Variants in PRDM10 observed in about 807,000 individuals in gnomAD.
PRDM10 encodes the protein PR/SET domain 10, also known as PR domain zinc finger protein 10.
In PRDM10, 65 loss-of-function variants were observed where a neutral mutation model predicts 133.1. The observed-to-expected ratio is 0.49, with a 90% CI of 0.40 to 0.60. PRDM10 has a LOEUF of 0.60. PRDM10 is among the 20% of genes least tolerant of loss of function. The probability of loss-of-function intolerance (pLI) is 0.00; values close to 1 mark genes in which losing one functional copy is unlikely to be tolerated. For synonymous variants in PRDM10, 582 were observed against 580.4 expected, an observed-to-expected ratio of 1.00 and a Z score of -0.04; for missense variants, 1,137 against 1,507.1, an observed-to-expected ratio of 0.75 and a Z score of 4.07.
intron 13 of PRDM10, among the ~76,000 whole-genome samples, chr11:129,922,600 C>T (rs1950549848): frequency 6.6e-6 from 1 of 152,166 alleles, no homozygotes; most frequent in Non-Finnish European, 1.5e-5. Context: ...GACCTACAAT[C>T]ATTTTCAGCA....
intron 19 of PRDM10, among the ~76,000 whole-genome samples, chr11:129,906,590 G>A (rs567757028): frequency 5.5e-4 from 84 of 152,308 alleles, no homozygotes; most frequent in Admixed American, 1.4e-3. Flanking sequence ...TGTTTATCCT[G>A]CCTTTCTTGT....
rs375755530 is a variant in PRDM10, at chr11:129,917,358, A to C, written c.2215-121T>G. The C allele has an allele frequency of 2.1e-5, 15 of 714,472 alleles. No homozygotes were observed. The Admixed American group carries it at 3.2e-4, about 15-fold the overall frequency. The allele number at this position is 714,472 out of a possible 1,614,324, so 44.3% of individuals were successfully genotyped here. Reference sequence around the variant, plus strand: ...ATTCTCTGAAGCAATGCCCCCAAATAATAAGGCATTTGGCCAGAACCAGGA... The same window carrying C: ...ATTCTCTGAAGCAATGCCCCCAAATCATAAGGCATTTGGCCAGAACCAGGA... On this transcript the variant is annotated intron_variant, in intron 14 of 20. Transcript: ENST00000360871.
intron 2 of PRDM10, 38 bp from the exon 3 acceptor site, chr11:129,957,948 A>G: frequency 1.3e-6 from 2 of 1,570,076 alleles, no homozygotes; most frequent in Non-Finnish European, 1.7e-6. Flanking sequence ...AATCAGTATC[A>G]GGAAGGTAAG....
At chr11:129,903,593 TG>T (rs1949914749) in intron 20 of PRDM10, among the ~76,000 whole-genome samples, 1 of 152,184 alleles carries the variant, frequency 6.6e-6, no homozygotes, top group African/African-American at 2.4e-5. Context: ...TAAAGAAATG[TG>T]TCTGTCGGTC....
chr11:129,996,854 A>G (rs928132609), intron 1 of PRDM10, among the ~76,000 whole-genome samples: 4 of 152,244 alleles, frequency 2.6e-5, no homozygotes, highest in African/African-American at 9.6e-5. Context: ...TGAGTGATTA[A>G]CAGGCATCCT....
At chr11:129,921,203 G>A (rs1423962560) in intron 13 of PRDM10, among the ~76,000 whole-genome samples, 1 of 152,174 alleles carries the variant, frequency 6.6e-6, no homozygotes, top group Non-Finnish European at 1.5e-5. Flanking sequence ...ACAGGCAAAT[G>A]CAATACACAA....
At chr11:129,956,972 T>C (rs1951707446) in intron 3 of PRDM10, among the ~76,000 whole-genome samples, 1 of 152,238 alleles carries the variant, frequency 6.6e-6, no homozygotes, top group East Asian at 1.9e-4. Context: ...TTGGAAGCTA[T>C]ACTGCAAGTC....
intron 1 of PRDM10, among the ~76,000 whole-genome samples, chr11:129,964,233 C>T (rs1281754521): frequency 2.0e-5 from 3 of 152,180 alleles, no homozygotes; most frequent in African/African-American, 2.4e-5. Flanking sequence ...AGCCCATGCC[C>T]TCACAAAACA....
In PRDM10 at chr11:129,902,462, C is replaced by T. The variant is rs1316384490; in HGVS notation, c.3322G>A (p.Ala1108Thr). The change falls in exon 21 of 21, where the codon GCC becomes ACC. Residue 1108 changes from alanine to threonine, a missense_variant. Ala to Thr is a moderately conservative substitution (Grantham distance 58). Around this residue, in one of 6 missense-constraint regions of PRDM10, gnomAD observed 243 missense variants for 259.2 expected, o/e 0.94. Coordinates refer to ENST00000360871, the MANE Select transcript of PRDM10 (RefSeq NM_199437.2). ...TCGACCTGGACTCCACCAGAGAGGG[C>T]AGAAGTTTGCTTTTCTTCCAATTCT... ...QSELEEKQTS[A>T]LSGGVQVEPP... 6.2e-7 allele frequency: 1 copy of T among 1,614,090 alleles called. No individual in the cohort carries two copies.
rs1591658825 is a variant in PRDM10 at position 129,955,518 on chromosome 11, A to G, written c.288T>C (p.Ala96=). The G allele has an allele frequency of 8.7e-6, 14 of 1,614,134 alleles. No homozygotes were observed. The East Asian group carries it at 3.1e-4, about 36-fold the overall frequency. The change falls in exon 4 of 21, where the codon GCT becomes GCC. Residue 96 remains alanine, a synonymous_variant. Transcript: ENST00000360871. ...QVAYVQQDAT[A]QQASLPVHNQ... is the part of the protein sequence containing the mutation. ...GAAAAAGGCAGTTCGTTACCTGCTG[A>G]GCTGTAGCATCCTGTTGGACATAAG...
At chr11:129,911,975 A>G (rs887292650) in intron 18 of PRDM10, 110 bp downstream of exon 18, 17 of 1,322,358 alleles carry the variant, frequency 1.3e-5, no homozygotes, top group Admixed American at 1.1e-4. Context: ...AAATCCAAAA[A>G]TAACAGTAGC....
chr11:129,944,049 C>T (rs1330882301), intron 6 of PRDM10, among the ~76,000 whole-genome samples: 2 of 152,020 alleles, frequency 1.3e-5, no homozygotes, highest in African/African-American at 2.4e-5. Flanking sequence ...GCGATTAGGA[C>T]GTGGACACAT....
chr11:129,915,545 TC>T, intron 16 of PRDM10, 114 bp downstream of exon 16: 2 of 1,138,426 alleles, frequency 1.8e-6, no homozygotes, highest in Non-Finnish European at 1.2e-6. Context: ...TCTCTTTCAG[TC>T]CCCCGTCAAC....
At chr11:129,912,617 C>T (rs183651446) in intron 17 of PRDM10, among the ~76,000 whole-genome samples, 23 of 151,606 alleles carry the variant, frequency 1.5e-4, no homozygotes, top group African/African-American at 4.6e-4. Context: ...CTGGGTGTGG[C>T]GGCAGGCACC....
In PRDM10 at chr11:129,998,376, T is replaced by TA. The variant is rs147563821; in HGVS notation, c.-119+4345dup. Reference sequence around the variant, plus strand: ...ATCAGTGAAAGTGAAGGACATGGGTTAAAAAAAAAGGGGGGGAGGAGGAGG... The same window carrying TA: ...ATCAGTGAAAGTGAAGGACATGGGTTAAAAAAAAAAGGGGGGGAGGAGGAGG... On this transcript the variant is annotated intron_variant, in intron 1 of 20. Transcript: ENST00000360871. Among the ~76,000 whole-genome samples, 623 of 149,444 alleles carry TA rather than the reference T, an allele frequency of 4.2e-3. 4 individuals carry two copies. The highest frequency in any genetic ancestry group is 0.02 in the East Asian group (99 of 4,970).
intron 7 of PRDM10, among the ~76,000 whole-genome samples, chr11:129,940,361 A>G (rs1951168110): frequency 6.6e-6 from 1 of 152,200 alleles, no homozygotes; most frequent in Non-Finnish European, 1.5e-5. Flanking sequence ...TTAACATTCA[A>G]TGATTAGATT....
intron 1 of PRDM10, among the ~76,000 whole-genome samples, chr11:130,002,199 G>T (rs774321467): frequency 2.0e-5 from 3 of 147,630 alleles, no homozygotes; most frequent in South Asian, 2.1e-4. Flanking sequence ...TGCCCGCCGC[G>T]CCCGGAGCGC....
chr11:129,944,906 G>C lies in PRDM10; in HGVS notation c.627C>G (p.Pro209=), dbSNP rs200194576. The C allele has an allele frequency of 4.1e-4, 665 of 1,614,086 alleles. No individual in the cohort carries two copies. Among genetic ancestry groups the C allele is most frequent in the Non-Finnish European group, 5.2e-4 (608 of 1,180,028 alleles). ...GAAACCTGTCTATGTAGAGCACCAG[G>C]GGGAGGCTCGCCCTGGCCCGGGTGA... ...PVLTRARASL[P]LVLYIDRFLG... is the part of the protein sequence containing the mutation. The change falls in exon 6 of 21, where the codon CCC becomes CCG. Residue 209 remains proline, a synonymous_variant. Coordinates refer to ENST00000360871, the MANE Select transcript of PRDM10 (RefSeq NM_199437.2).
intron 1 of PRDM10, among the ~76,000 whole-genome samples, chr11:129,995,823 G>A (rs1939032061): frequency 6.6e-6 from 1 of 152,100 alleles, no homozygotes; most frequent in Non-Finnish European, 1.5e-5. Flanking sequence ...GCGGGCTCCT[G>A]TAATCCCAGC....
Sources: allele counts gnomAD v4.1 joint callset (sites outside exome capture counted in the v4.1 genomes callset), GRCh38; gene constraint gnomAD v4.1.1; regional missense constraint gnomAD v4.1.1; transcripts MANE v1.5; gene names NCBI Gene and HGNC (gene_info 2026-07-23, HGNC 2026-07-21).